PDE4D: variants seen among roughly 807,000 people sequenced by gnomAD.
The protein encoded by PDE4D is 3',5'-cyclic-AMP phosphodiesterase 4D.
A neutral mutation model predicts 87.4 loss-of-function variants in PDE4D; 24 were observed. The ratio of observed to expected loss-of-function variants is 0.27; its 90% CI spans 0.20 to 0.39. PDE4D has a LOEUF of 0.39. PDE4D is among the 10% of genes least tolerant of loss of function. PDE4D has a pLI of 1.00. For synonymous variants in PDE4D, 384 were observed against 383.2 expected (o/e 1.00, Z -0.02); for missense variants, 714 against 1,041.0 (o/e 0.69, Z 4.32).
intron 3 of PDE4D, among the ~76,000 whole-genome samples, chr5:59,915,929 T>C (rs1753988422): frequency 6.6e-6 from 1 of 152,210 alleles, no homozygotes; most frequent in South Asian, 2.1e-4. Context: ...ATACATTTAT[T>C]TCTCTGAAAT....
intron 11 of PDE4D, among the ~76,000 whole-genome samples, chr5:58,979,167 G>A (rs1744511816): frequency 1.3e-5 from 2 of 152,178 alleles, no homozygotes; most frequent in Non-Finnish European, 2.9e-5. Flanking sequence ...GTGATCTGTT[G>A]TATGGAAGGT....
intron 1 of PDE4D, among the ~76,000 whole-genome samples, chr5:60,313,101 T>G (rs1755197025): frequency 6.6e-6 from 1 of 150,682 alleles, no homozygotes; most frequent in Non-Finnish European, 1.5e-5. Flanking sequence ...GAAATTGAAA[T>G]GCAAAACAAA....
chr5:60,120,487 C>G (rs1428882179), intron 2 of PDE4D, among the ~76,000 whole-genome samples: 2 of 152,010 alleles, frequency 1.3e-5, no homozygotes, highest in Non-Finnish European at 2.9e-5. Context: ...TCTGCAGAGT[C>G]AGACTCACAT....
At chr5:59,454,701 G>A (rs1295675991) in intron 1 of PDE4D, among the ~76,000 whole-genome samples, 1 of 152,182 alleles carries the variant, frequency 6.6e-6, no homozygotes, top group Non-Finnish European at 1.5e-5. Context: ...GGAGGGCTTA[G>A]AAGAAGACAG....
chr5:59,722,220 T>C (rs1755935710), intron 1 of PDE4D, among the ~76,000 whole-genome samples: 1 of 152,204 alleles, frequency 6.6e-6, no homozygotes, highest in South Asian at 2.1e-4. Flanking sequence ...TTTAGGACAA[T>C]GCCAAAAATG....
At chr5:59,651,782 T>A (rs1426844728) in intron 1 of PDE4D, among the ~76,000 whole-genome samples, 1 of 152,168 alleles carries the variant, frequency 6.6e-6, no homozygotes, top group Non-Finnish European at 1.5e-5. Context: ...GAAGGAAGGA[T>A]TCTATCCACC....
rs545431850 is a variant in PDE4D, at chr5:59,588,047, C to A, written c.455+305121G>T. ...GCCTTGTTTACTTGATGATTTGTAACCATTTAGCTGCAGATGACCACATGG... is the reference window on the plus strand; with the variant it reads ...GCCTTGTTTACTTGATGATTTGTAAACATTTAGCTGCAGATGACCACATGG... On this transcript the variant is annotated intron_variant, in intron 1 of 14. Transcript: ENST00000340635. 7.9e-5 allele frequency among the ~76,000 whole-genome samples: 12 copies of A among 152,134 alleles called. No homozygotes were observed. The South Asian group carries it at 2.1e-3, about 26-fold the overall frequency.
chr5:60,246,374 G>C (rs554848383), intron 1 of PDE4D, among the ~76,000 whole-genome samples: 3 of 151,632 alleles, frequency 2.0e-5, no homozygotes, highest in Non-Finnish European at 4.4e-5. Flanking sequence ...GTCAGATACT[G>C]CCTCTTCCCA....
intron 1 of PDE4D, among the ~76,000 whole-genome samples, chr5:60,516,206 T>C (rs186568805): frequency 6.6e-6 from 1 of 152,350 alleles, no homozygotes; most frequent in African/African-American, 2.4e-5. Context: ...ATGAGTGAGT[T>C]AACTTGAGAA....
chr5:60,313,327 C>G (rs1464240455), intron 1 of PDE4D, among the ~76,000 whole-genome samples: 1 of 152,018 alleles, frequency 6.6e-6, no homozygotes, highest in East Asian at 1.9e-4. Flanking sequence ...ACTAGAAAAC[C>G]TAGAATTTTT....
rs545948041 is a variant in PDE4D, at chr5:60,483,747, C to A, written c.-90+4195G>T. 8.5e-5 allele frequency among the ~76,000 whole-genome samples: 13 copies of A among 152,260 alleles called. No individual in the cohort carries two copies. In the South Asian group the frequency reaches 2.7e-3, roughly 32 times the overall value. On this transcript the variant is annotated intron_variant, in intron 1 of 16. Transcript: ENST00000502484. ...GAAATTGTTTCATTCCTAGAAAGTTCTCTCATGAATTTCTGGGTGAGCTGT... is the reference window on the plus strand; with the variant it reads ...GAAATTGTTTCATTCCTAGAAAGTTATCTCATGAATTTCTGGGTGAGCTGT...
At chr5:59,467,260 T>C (rs939077972) in intron 1 of PDE4D, among the ~76,000 whole-genome samples, 1 of 152,182 alleles carries the variant, frequency 6.6e-6, no homozygotes, top group African/African-American at 2.4e-5. Context: ...ATGGATTCTA[T>C]TAAAAAATGA....
intron 1 of PDE4D, chr5:59,586,866 T>A: frequency 1.0e-6 from 1 of 985,456 alleles, no homozygotes; most frequent in Non-Finnish European, 1.2e-6. Flanking sequence ...TAGAAATGAA[T>A]ATTGCTTTTT....
At chr5:59,947,330 T>C (rs796116739) in intron 3 of PDE4D, among the ~76,000 whole-genome samples, 1 of 152,278 alleles carries the variant, frequency 6.6e-6, no homozygotes, top group African/African-American at 2.4e-5. Context: ...CTCTCTTAAC[T>C]TGCCATATCC....
chr5:59,248,497 A>C (rs1406197510), intron 1 of PDE4D, among the ~76,000 whole-genome samples: 1 of 151,988 alleles, frequency 6.6e-6, no homozygotes, highest in Non-Finnish European at 1.5e-5. Flanking sequence ...GTCTTATGCT[A>C]CTGTAATTAA....
intron 3 of PDE4D, among the ~76,000 whole-genome samples, chr5:59,916,198 C>A (rs1278683722): frequency 2.0e-5 from 3 of 152,166 alleles, no homozygotes; most frequent in Admixed American, 6.5e-5. Context: ...TGCTTCGCAG[C>A]CTGCCTAATA....
intron 3 of PDE4D, among the ~76,000 whole-genome samples, chr5:59,933,746 C>T (rs150657783): frequency 2.3e-4 from 34 of 144,904 alleles, no homozygotes; most frequent in African/African-American, 7.8e-4. Flanking sequence ...TCCCTTAAAA[C>T]GTTTTCTAGA....
intron 1 of PDE4D, among the ~76,000 whole-genome samples, chr5:60,412,113 T>C (rs552760654): frequency 2.8e-4 from 43 of 152,288 alleles, no homozygotes; most frequent in African/African-American, 9.1e-4. Flanking sequence ...TTTTCTCCAT[T>C]CATGGCTGGG....
At position 60,243,604 on chromosome 5, in the gene PDE4D, A is replaced by G. The variant is rs531903795; in HGVS notation, c.-89-57917T>C. Among the ~76,000 whole-genome samples the G allele has an allele frequency of 3.3e-5, 5 of 152,134 alleles. No individual in the cohort carries two copies. The South Asian group carries it at 8.3e-4, about 25-fold the overall frequency. ...CCAAATTCAACAACACATTAAAAAT[A>G]TAATTCCTCATGACCAAGTGGGGTT... On this transcript the variant is annotated intron_variant, in intron 1 of 16. Coordinates refer to the PDE4D transcript ENST00000502484.
Sources: gnomAD v4.1 joint callset for allele counts (sites outside exome capture counted in the v4.1 genomes callset) on GRCh38, gnomAD v4.1.1 for gene constraint, MANE v1.5 for transcripts, NCBI Gene and HGNC (gene_info 2026-07-23, HGNC 2026-07-21) for gene names.